NSD1: variants seen among roughly 807,000 people sequenced by gnomAD.
NSD1 encodes the protein nuclear receptor binding SET domain protein 1.
NSD1 carries 26 observed loss-of-function variants against 242.7 expected under a neutral mutation model. That is an observed-to-expected ratio of 0.11 (90% CI 0.08 to 0.15). The LOEUF (loss-of-function observed/expected upper bound fraction) is 0.15. Ranked by LOEUF, NSD1 falls within the 10% of genes least tolerant of loss-of-function variation. The pLI is 1.00. For synonymous variants in NSD1, 1,106 were observed against 1,178.1 expected (o/e 0.94, Z 1.25); for missense variants, 2,495 against 3,272.8 (o/e 0.76, Z 5.80).
At chr5:177,194,416 C>T (rs1761935303) in intron 3 of NSD1, among the ~76,000 whole-genome samples, 1 of 148,974 alleles carries the variant, frequency 6.7e-6, no homozygotes, top group Non-Finnish European at 1.5e-5. Context: ...TAGCTGGGAG[C>T]ACAGACGTGT....
intron 6 of NSD1, among the ~76,000 whole-genome samples, 169 bp downstream of exon 6, chr5:177,236,114 T>C (rs187101531): frequency 2.0e-5 from 3 of 152,314 alleles, no homozygotes; most frequent in South Asian, 2.1e-4. Flanking sequence ...TCAGGAAATA[T>C]ATAAATGAAT....
intron 4 of NSD1, among the ~76,000 whole-genome samples, chr5:177,205,397 T>G (rs1286318054): frequency 1.3e-5 from 2 of 152,116 alleles, no homozygotes; most frequent in Non-Finnish European, 2.9e-5. Context: ...GTCTAAAGTT[T>G]CTACTCTAGT....
At chr5:177,140,594 G>T (rs987413614) in intron 2 of NSD1, among the ~76,000 whole-genome samples, 1 of 152,146 alleles carries the variant, frequency 6.6e-6, no homozygotes, top group South Asian at 2.1e-4. Flanking sequence ...CGAGGCAGGA[G>T]GATCACTTGA....
At chr5:177,241,562 T>C (rs1367263669) in intron 8 of NSD1, among the ~76,000 whole-genome samples, 1 of 152,120 alleles carries the variant, frequency 6.6e-6, no homozygotes, top group Non-Finnish European at 1.5e-5. Context: ...TCTCTTAGAT[T>C]CCCAGTATCT....
At position 177,223,238 on chromosome 5, in the gene NSD1, C is replaced by T. The variant is rs1199567574; in HGVS notation, c.3796+11043C>T. ...CTGGGATTACAGGCATGCGCCAGCA[C>T]GTCTGGCTAATTTTAATTTTTTTAA... On this transcript the variant is annotated intron_variant, in intron 5 of 22. Coordinates refer to ENST00000439151, the MANE Select transcript of NSD1 (RefSeq NM_022455.5). Among the ~76,000 whole-genome samples the T allele has an allele frequency of 6.6e-5, 10 of 151,984 alleles. No individual in the cohort carries two copies. In the East Asian group the frequency reaches 1.6e-3, roughly 24 times the overall value.
rs149437664 is a variant in NSD1 at position 177,262,605 on chromosome 5, G to A, written c.5146+2437G>A. On this transcript the variant is annotated intron_variant, in intron 14 of 22. Transcript: ENST00000439151. ...CAATAATACAGCTACAAGGCTGGGC[G>A]CCATGGCTCATGCCTCTAATCCCAG... Among the ~76,000 whole-genome samples the A allele has an allele frequency of 7.9e-5, 12 of 152,320 alleles. No homozygotes were observed. The East Asian group carries it at 2.1e-3, about 27-fold the overall frequency.
intron 5 of NSD1, among the ~76,000 whole-genome samples, chr5:177,230,806 G>A (rs1449135243): frequency 4.0e-5 from 6 of 150,902 alleles, no homozygotes; most frequent in African/African-American, 4.9e-5. Flanking sequence ...CAGCCTGGGC[G>A]ACAAAGCGAG....
chr5:177,238,159 T>A lies in NSD1; in HGVS notation c.3922-78T>A. ...GCCTTTGTCAGAATTTCATTCCTTT[T>A]AAAGTGTGTTATTCTTTTTGACACT... On this transcript the variant is annotated intron_variant, in intron 6 of 22. Transcript: ENST00000439151. This position sits in a 1 kb window ranked among gnomAD's most constrained non-coding sequence, Gnocchi z 4.6. 3 of 1,501,104 alleles carry A rather than the reference T, an allele frequency of 2.0e-6. No individual in the cohort carries two copies. Among genetic ancestry groups the A allele is most frequent in the Non-Finnish European group, 2.8e-6 (3 of 1,078,400 alleles). 93.0% of individuals were successfully genotyped at this position (1,501,104 alleles called of 1,614,324 possible).
intron 2 of NSD1, chr5:177,136,995 T>G (rs529931221): frequency 6.0e-5 from 38 of 630,658 alleles, no homozygotes; most frequent in Admixed American, 4.5e-4. Flanking sequence ...GTGTGATATG[T>G]ATATATTCCG....
At chr5:177,185,795 A>ATGTATATTATATATATATT (rs1554184208) in intron 2 of NSD1, among the ~76,000 whole-genome samples, 10 of 88,396 alleles carry the variant, frequency 1.1e-4, no homozygotes, top group Non-Finnish European at 1.6e-4. Context: ...TATATTATAT[A>ATGTATATTATATATATATT]TATATATATA....
Position 177,294,413 on chromosome 5 carries a change from C to T in NSD1, c.7045C>T (p.Pro2349Ser), listed in dbSNP as rs757823952. The T allele has an allele frequency of 2.5e-6, 4 of 1,614,146 alleles. No homozygotes were observed. In the Admixed American group the frequency reaches 5.0e-5, roughly 20 times the overall value. ...CTCCTCACCCTCAGTCAGGTCCCAA[C>T]CACTGGAAAGACCTCTGGGGACGGC... ...PSSSPSVRSQ[P>S]LERPLGTADP... The change falls in exon 23 of 23, where the codon CCA becomes TCA. Residue 2349 changes from proline (P) to serine (S), a missense_variant. By Grantham distance (74) the Pro-to-Ser change is moderately conservative. Transcript: ENST00000439151.
At chr5:177,157,873 G>A (rs571656956) in intron 2 of NSD1, among the ~76,000 whole-genome samples, 2 of 152,246 alleles carry the variant, frequency 1.3e-5, no homozygotes, top group East Asian at 3.9e-4. Flanking sequence ...GGCCTTTCGT[G>A]TCTGACTTGT....
Position 177,295,537 on chromosome 5 carries a change from C to T in NSD1, c.*78C>T. On this transcript the variant is annotated 3_prime_UTR_variant, in exon 23 of 23. Transcript: ENST00000439151. This position sits in a 1 kb window ranked among gnomAD's most constrained non-coding sequence, Gnocchi z 4.3. ...GAGGGGAAATCTTTTCTTTCTTTCC[C>T]CCTTAAAAAAAAACACATCTGCCCC... 2 of 1,442,732 alleles carry T rather than the reference C, an allele frequency of 1.4e-6. No homozygotes were observed. The highest frequency in any genetic ancestry group is 2.4e-5 in the South Asian group (2 of 82,770). The allele number at this position is 1,442,732 out of a possible 1,614,324, so 89.4% of individuals were successfully genotyped here.
chr5:177,199,123 T>G (rs916599876), intron 3 of NSD1, among the ~76,000 whole-genome samples: 4 of 152,368 alleles, frequency 2.6e-5, no homozygotes, highest in Middle Eastern at 3.4e-3. Context: ...CAATGTAGTA[T>G]TCAGTAAATT....
At chr5:177,139,378 G>A (rs1460896221) in intron 2 of NSD1, among the ~76,000 whole-genome samples, 2 of 150,628 alleles carry the variant, frequency 1.3e-5, no homozygotes, top group Admixed American at 1.3e-4. Flanking sequence ...CCCGGGAGGC[G>A]GAGGTTGCAG....
intron 2 of NSD1, among the ~76,000 whole-genome samples, chr5:177,156,174 ATTTTT>A (rs34417228): frequency 3.8e-5 from 3 of 78,006 alleles, no homozygotes; most frequent in African/African-American, 5.4e-5. Flanking sequence ...CTCTTTTCAG[ATTTTT>A]TTTTTTTTTT....
At chr5:177,156,312 C>T (rs537708700) in intron 2 of NSD1, among the ~76,000 whole-genome samples, 9 of 149,760 alleles carry the variant, frequency 6.0e-5, no homozygotes, top group African/African-American at 2.0e-4. Flanking sequence ...TCCTGAGTGG[C>T]TGGGACTACA....
chr5:177,257,821 T>TA (rs1370321253), intron 13 of NSD1, among the ~76,000 whole-genome samples: 1 of 144,978 alleles, frequency 6.9e-6, no homozygotes, highest in African/African-American at 2.6e-5. Context: ...GCTTTTTTTT[T>TA]ATTTTATTTT....
At chr5:177,152,896 G>C (rs1426328702) in intron 2 of NSD1, among the ~76,000 whole-genome samples, 1 of 151,670 alleles carries the variant, frequency 6.6e-6, no homozygotes, top group Non-Finnish European at 1.5e-5. Flanking sequence ...ATGTTGGACA[G>C]GCTGGTCTCA....
Sources: allele counts gnomAD v4.1 joint callset (sites outside exome capture counted in the v4.1 genomes callset), GRCh38; gene constraint gnomAD v4.1.1; non-coding constraint Gnocchi (gnomAD v3.1); transcripts MANE v1.5; gene names NCBI Gene and HGNC (gene_info 2026-07-23, HGNC 2026-07-21).